The following GLG1 variants were observed in gnomAD, a reference collection of about 807,000 sequenced individuals.
GLG1 encodes golgi glycoprotein 1.
A neutral mutation model predicts 160.5 loss-of-function variants in GLG1; 38 were observed. The ratio of observed to expected loss-of-function variants is 0.24; its 90% CI spans 0.18 to 0.31. The LOEUF (loss-of-function observed/expected upper bound fraction) is 0.31, where lower values mean the gene tolerates loss of function less well. Among genes scored for constraint, GLG1 ranks in the 10% least tolerant of loss-of-function variants. The pLI is 1.00. For missense variants in GLG1, 1,373 were observed against 1,505.2 expected, an observed-to-expected ratio of 0.91 and a Z score of 1.45; for synonymous variants, 644 against 543.4, an observed-to-expected ratio of 1.19 and a Z score of -2.57.
chr16:74,503,425 A>C (rs556139926), intron 4 of GLG1, 106 bp downstream of exon 4: 25 of 753,804 alleles, frequency 3.3e-5, no homozygotes, highest in Middle Eastern at 3.8e-4. Context: ...TTCAATTTCA[A>C]CTTAAGGTCA....
chr16:74,593,689 C>T (rs908390586), intron 1 of GLG1, among the ~76,000 whole-genome samples: 3 of 152,004 alleles, frequency 2.0e-5, no homozygotes, highest in African/African-American at 7.2e-5. Context: ...CCCGCCTCGG[C>T]CTCGCAAAGT....
chr16:74,459,673 G>A lies in GLG1; in HGVS notation c.3144+9C>T, dbSNP rs141151806. The A allele has an allele frequency of 6.8e-6, 9 of 1,325,310 alleles. No individual in the cohort carries two copies. The highest frequency in any genetic ancestry group is 4.6e-5 in the East Asian group (2 of 43,480). 82.1% of individuals were successfully genotyped at this position (1,325,310 alleles called of 1,614,324 possible). On this transcript the variant is annotated intron_variant, in intron 23 of 25. Transcript: ENST00000422840. ...AATGAAGTGAGGAAAAGAAGGTGAC[G>A]GTGGTTACCTTTTTACACAATTCTG...
Position 74,471,156 on chromosome 16 carries a change from A to G in GLG1, c.2229+17T>C. 1.5e-6 allele frequency: 2 copies of G among 1,294,934 alleles called. No individual in the cohort carries two copies. Among genetic ancestry groups the G allele is most frequent in the South Asian group, 1.2e-5 (1 of 84,782 alleles). 80.2% of individuals were successfully genotyped at this position (1,294,934 alleles called of 1,614,324 possible). ...CAGGCAGCTATGATGGGATATTGGC[A>G]GCCAGGTGTCACTGACCAGCTGGAA... On this transcript the variant is annotated intron_variant, in intron 15 of 25. Coordinates refer to ENST00000422840, the MANE Select transcript of GLG1 (RefSeq NM_001145667.2).
chr16:74,521,561 G>C (rs1052045736), intron 2 of GLG1, among the ~76,000 whole-genome samples: 2 of 152,122 alleles, frequency 1.3e-5, no homozygotes, highest in African/African-American at 2.4e-5. Flanking sequence ...CAGAAGAATA[G>C]AGGAGCCACT....
chr16:74,552,166 C>T, intron 1 of GLG1: 1 of 366,204 alleles, frequency 2.7e-6, no homozygotes, highest in Non-Finnish European at 5.5e-6. Flanking sequence ...GCATCTCTTC[C>T]TTCAAATGTC....
intron 1 of GLG1, 40 bp downstream of exon 1, chr16:74,606,617 C>T: frequency 6.6e-7 from 1 of 1,507,798 alleles, no homozygotes; most frequent in African/African-American, 1.4e-5. Context: ...CTCGGGCCCG[C>T]ACCAGGCCTG....
Position 74,457,895 on chromosome 16 carries a change from T to C in GLG1, c.3244A>G (p.Ile1082Val). Residue 1082 changes from isoleucine to valine, a missense_variant, in exon 24 of 26, where the codon ATC becomes GTC. Physicochemically the swap from Ile to Val is conservative, Grantham distance 29 (BLOSUM62 3). Coordinates refer to ENST00000422840, the MANE Select transcript of GLG1 (RefSeq NM_001145667.2). ...ALDIKHHCAA[I>V]TPGRGRQMSC... ...TTACGACGCCCGCGGCCAGGGGTGATGGCTGCGCAGTGGTGTTTAATGTCC... is the reference window on the plus strand; with the variant it reads ...TTACGACGCCCGCGGCCAGGGGTGACGGCTGCGCAGTGGTGTTTAATGTCC... The C allele has an allele frequency of 6.2e-7, 1 of 1,614,010 alleles. No homozygotes were observed. The highest frequency in any genetic ancestry group is 8.5e-7 in the Non-Finnish European group (1 of 1,179,934).
chr16:74,589,047 G>C (rs1044676938), intron 1 of GLG1, among the ~76,000 whole-genome samples: 1 of 151,674 alleles, frequency 6.6e-6, no homozygotes, highest in Non-Finnish European at 1.5e-5. Context: ...TTCGAGACCA[G>C]CCTGGCCAAC....
intron 15 of GLG1, 61 bp downstream of exon 15, chr16:74,471,112 A>T (rs906112891): frequency 5.5e-6 from 5 of 916,916 alleles, no homozygotes; most frequent in Non-Finnish European, 7.3e-6. Flanking sequence ...CCAAAAAAGG[A>T]AAGGATTCAG....
At chr16:74,519,565 G>GA (rs11451279) in intron 2 of GLG1, among the ~76,000 whole-genome samples, 139,427 of 147,590 alleles carry the variant, frequency 0.94, 66,027 homozygotes, top group East Asian at 0.99. Context: ...ACTGGTTTTT[G>GA]AAAAAAAAAA....
At chr16:74,526,718 T>G (rs1432571669) in intron 2 of GLG1, among the ~76,000 whole-genome samples, 1 of 152,144 alleles carries the variant, frequency 6.6e-6, no homozygotes, top group Non-Finnish European at 1.5e-5. Flanking sequence ...ACCAAGACCT[T>G]GTCTCAAAAA....
At chr16:74,480,925 G>A (rs998634147) in intron 10 of GLG1, among the ~76,000 whole-genome samples, 1 of 152,118 alleles carries the variant, frequency 6.6e-6, no homozygotes, top group Non-Finnish European at 1.5e-5. Flanking sequence ...ACTTTCTATA[G>A]AAGTTTGTTA....
chr16:74,598,224 T>C (rs374840596), intron 1 of GLG1, among the ~76,000 whole-genome samples: 2 of 152,166 alleles, frequency 1.3e-5, no homozygotes, highest in South Asian at 2.1e-4. Flanking sequence ...AAATGTTTGC[T>C]GAAAGAAGAA....
chr16:74,481,423 G>A (rs895606277), intron 10 of GLG1, among the ~76,000 whole-genome samples: 2 of 151,998 alleles, frequency 1.3e-5, no homozygotes, highest in Non-Finnish European at 2.9e-5. Flanking sequence ...TATTTAATGA[G>A]TAACTATTAA....
chr16:74,594,743 T>G (rs900830458), intron 1 of GLG1, among the ~76,000 whole-genome samples: 25 of 147,488 alleles, frequency 1.7e-4, no homozygotes, highest in African/African-American at 6.2e-4. Flanking sequence ...GAGGCTTTTG[T>G]TTTGTTTTGT....
chr16:74,586,064 GAAA>G (rs201949259), intron 1 of GLG1, among the ~76,000 whole-genome samples: 11 of 120,878 alleles, frequency 9.1e-5, no homozygotes, highest in African/African-American at 2.7e-4. Context: ...CTCTGTATCG[GAAA>G]AAAAAAAAAA....
chr16:74,471,116 G>C, intron 15 of GLG1, 57 bp downstream of exon 15: 9 of 927,660 alleles, frequency 9.7e-6, no homozygotes, highest in Non-Finnish European at 1.6e-5. Context: ...AAAAGGAAAG[G>C]ATTCAGTCAA....
At chr16:74,549,396 C>T (rs1431801544) in intron 1 of GLG1, among the ~76,000 whole-genome samples, 2 of 152,068 alleles carry the variant, frequency 1.3e-5, no homozygotes, top group Non-Finnish European at 2.9e-5. Flanking sequence ...TGGGTTCACG[C>T]CATTCTCCTG....
chr16:74,606,897 C>A lies in GLG1; in HGVS notation c.198G>T (p.Leu66=). The A allele has an allele frequency of 6.2e-7, 1 of 1,603,800 alleles. No individual in the cohort carries two copies. Among genetic ancestry groups the A allele is most frequent in the African/African-American group, 1.3e-5 (1 of 75,010 alleles). Reference sequence around the variant, plus strand: ...GCTGCTGAAGCTGCGATGACTGAGGCAGCTGGGGCAGCTGCTGACCCGCCG... The same window carrying A: ...GCTGCTGAAGCTGCGATGACTGAGGAAGCTGGGGCAGCTGCTGACCCGCCG... ...GGPAGQQLPQ[L]PQSSQLQQQQ... The change falls in exon 1 of 26, where the codon CTG becomes CTT. Residue 66 remains leucine (L), a synonymous_variant. Transcript: ENST00000422840.
Sources: allele counts gnomAD v4.1 joint callset (sites outside exome capture counted in the v4.1 genomes callset), GRCh38; gene constraint gnomAD v4.1.1; transcripts MANE v1.5; gene names NCBI Gene and HGNC (gene_info 2026-07-23, HGNC 2026-07-21).